Variants in MSRA observed in about 807,000 individuals in gnomAD.
The protein encoded by MSRA is mitochondrial peptide methionine sulfoxide reductase.
A neutral mutation model predicts 31.3 loss-of-function variants in MSRA; 54 were observed. The ratio of observed to expected loss-of-function variants is 1.73; its 90% CI spans 1.39 to 2.17. The LOEUF is 2.17. MSRA is among the 30% of genes most tolerant of loss of function. MSRA has a pLI of 0.00. For missense variants in MSRA, 507 were observed against 300.9 expected (o/e 1.69, Z -5.07); for synonymous variants, 169 against 116.5 (o/e 1.45, Z -2.90).
At chr8:10,313,786 T>C (rs1372329802) in intron 4 of MSRA, among the ~76,000 whole-genome samples, 1 of 152,220 alleles carries the variant, frequency 6.6e-6, no homozygotes, top group Non-Finnish European at 1.5e-5. Context: ...TATCGAGTCA[T>C]TATAAAGCTA....
At chr8:10,318,163 C>T (rs1801833952) in intron 4 of MSRA, among the ~76,000 whole-genome samples, 1 of 152,194 alleles carries the variant, frequency 6.6e-6, no homozygotes, top group Non-Finnish European at 1.5e-5. Flanking sequence ...GGAGAAAGGG[C>T]TTTGGTGTCG....
At chr8:10,250,111 A>G (rs2129085648) in intron 3 of MSRA, among the ~76,000 whole-genome samples, 1 of 152,324 alleles carries the variant, frequency 6.6e-6, no homozygotes, top group South Asian at 2.1e-4. Context: ...TTCTCTTTAC[A>G]CATGCACACA....
chr8:10,230,840 A>G (rs920436352), intron 2 of MSRA, among the ~76,000 whole-genome samples: 8 of 152,186 alleles, frequency 5.3e-5, no homozygotes, highest in Admixed American at 3.9e-4. Context: ...GCTGGAGTAT[A>G]ATGGCGTGAT....
At chr8:10,263,379 A>G (rs952713758) in intron 3 of MSRA, among the ~76,000 whole-genome samples, 5 of 152,170 alleles carry the variant, frequency 3.3e-5, no homozygotes, top group Admixed American at 6.5e-5. Context: ...CATTCATTCT[A>G]TTAAAGGACT....
chr8:10,302,000 T>G (rs1316455667), intron 4 of MSRA, among the ~76,000 whole-genome samples: 2 of 152,256 alleles, frequency 1.3e-5, no homozygotes. Context: ...ATTCCTGATT[T>G]ATGGTTTCTT....
rs762752994 is a variant in MSRA, at chr8:10,209,711, T to C, written c.211+1810T>C. The stretch of plus-strand genomic sequence containing the variant: ...AGGCTGACAGGTGAACTCTAAGGCC[T>C]CTGCAGCTCTAGGCCCTTGGCCTTT... On this transcript the variant is annotated intron_variant, in intron 2 of 5. Transcript: ENST00000317173. Among the ~76,000 whole-genome samples, 3 of 152,298 alleles carry C rather than the reference T, an allele frequency of 2.0e-5. No individual in the cohort carries two copies. In the East Asian group the frequency reaches 5.8e-4, roughly 29 times the overall value.
At chr8:10,240,271 C>G (rs1812293394) in intron 2 of MSRA, among the ~76,000 whole-genome samples, 1 of 152,168 alleles carries the variant, frequency 6.6e-6, no homozygotes, top group Admixed American at 6.5e-5. Context: ...GTGACAGTCT[C>G]TGTTGCTGGC....
chr8:10,105,494 G>C (rs1237404424), intron 1 of MSRA, among the ~76,000 whole-genome samples: 4 of 152,198 alleles, frequency 2.6e-5, no homozygotes, highest in Non-Finnish European at 5.9e-5. Context: ...TTGAATTAAA[G>C]AGTATTGTGG....
intron 2 of MSRA, among the ~76,000 whole-genome samples, 192 bp downstream of exon 2, chr8:10,208,093 C>T (rs1174127940): frequency 3.3e-5 from 5 of 152,108 alleles, no homozygotes; most frequent in Admixed American, 6.5e-5. Context: ...TAGAATTTAG[C>T]GTGCTTTATT....
intron 5 of MSRA, among the ~76,000 whole-genome samples, chr8:10,365,525 G>C (rs1447484626): frequency 6.6e-6 from 1 of 152,238 alleles, no homozygotes; most frequent in African/African-American, 2.4e-5. Flanking sequence ...CGTTGTTGGG[G>C]GAAGGGACTA....
intron 3 of MSRA, among the ~76,000 whole-genome samples, chr8:10,280,281 C>T (rs1466207247): frequency 6.6e-6 from 1 of 151,982 alleles, no homozygotes; most frequent in Non-Finnish European, 1.5e-5. Context: ...CTTTTAGTTC[C>T]ATCCTTCAAA....
intron 3 of MSRA, among the ~76,000 whole-genome samples, chr8:10,300,200 AT>A (rs1800767853): frequency 6.6e-6 from 1 of 151,902 alleles, no homozygotes; most frequent in South Asian, 2.1e-4. Flanking sequence ...GATTGATAAA[AT>A]TTATTGATAG....
chr8:10,071,082 C>T (rs990597166), intron 1 of MSRA, among the ~76,000 whole-genome samples: 4 of 152,210 alleles, frequency 2.6e-5, no homozygotes, highest in Admixed American at 2.6e-4. Context: ...AACTGCCAAA[C>T]TGTTTCCCAG....
intron 5 of MSRA, among the ~76,000 whole-genome samples, chr8:10,421,540 G>T (rs982079120): frequency 1.3e-5 from 2 of 151,950 alleles, no homozygotes; most frequent in African/African-American, 4.8e-5. Context: ...GAGACACTCG[G>T]GCACTTGGAG....
At chr8:10,090,370 T>C (rs1196356032) in intron 1 of MSRA, among the ~76,000 whole-genome samples, 4 of 152,166 alleles carry the variant, frequency 2.6e-5, no homozygotes, top group African/African-American at 9.7e-5. Flanking sequence ...AGTAAGGCAC[T>C]AGAATTAGCT....
At chr8:10,197,792 A>G (rs1808123538) in intron 1 of MSRA, among the ~76,000 whole-genome samples, 1 of 152,214 alleles carries the variant, frequency 6.6e-6, no homozygotes, top group South Asian at 2.1e-4. Flanking sequence ...GTCAAAGACC[A>G]GTAATACAGC....
intron 1 of MSRA, chr8:10,096,133 G>T: frequency 8.0e-7 from 1 of 1,249,112 alleles, no homozygotes; most frequent in Non-Finnish European, 1.0e-6. Context: ...ATGCAGCCCA[G>T]CCAGGAAGTC....
rs546321184 is a variant in MSRA at position 10,095,932 on chromosome 8, C to A, written c.142+41274C>A. On this transcript the variant is annotated intron_variant, in intron 1 of 5. Transcript: ENST00000317173. ...AGGATTAATATAGAAGATGGCAAGG[C>A]AAATTTCTAATTAGAGGGAATATTA... 1.9e-5 allele frequency: 25 copies of A among 1,335,952 alleles called. No homozygotes were observed. The African/African-American group carries it at 3.0e-4, about 16-fold the overall frequency. The allele number at this position is 1,335,952 out of a possible 1,614,324, so 82.8% of individuals were successfully genotyped here.
intron 5 of MSRA, among the ~76,000 whole-genome samples, chr8:10,353,085 C>G (rs1337656492): frequency 6.6e-6 from 1 of 152,134 alleles, no homozygotes; most frequent in African/African-American, 2.4e-5. Flanking sequence ...GTCCCTTTCT[C>G]TGCATTTTTC....
Sources: gnomAD v4.1 joint callset for allele counts (sites outside exome capture counted in the v4.1 genomes callset) on GRCh38, gnomAD v4.1.1 for gene constraint, MANE v1.5 for transcripts, NCBI Gene and HGNC (gene_info 2026-07-23, HGNC 2026-07-21) for gene names.